MIPOL1: variants seen among roughly 807,000 people sequenced by gnomAD.
MIPOL1 encodes the protein mirror-image polydactyly gene 1 protein.
A neutral mutation model predicts 60.9 loss-of-function variants in MIPOL1; 57 were observed. That is an observed-to-expected ratio of 0.94 (90% CI 0.76 to 1.17). MIPOL1 has a LOEUF of 1.17. MIPOL1 is among the 50% of genes most tolerant of loss of function. The pLI is 0.00. For missense variants in MIPOL1, 551 were observed against 511.6 expected, an observed-to-expected ratio of 1.08 and a Z score of -0.74; for synonymous variants, 179 against 168.8, an observed-to-expected ratio of 1.06 and a Z score of -0.47.
chr14:37,455,776 A>G (rs1874821458), intron 11 of MIPOL1, among the ~76,000 whole-genome samples: 1 of 152,132 alleles, frequency 6.6e-6, no homozygotes, highest in African/African-American at 2.4e-5. Context: ...AGGGCAACTA[A>G]TGTGTTTATA....
intron 11 of MIPOL1, among the ~76,000 whole-genome samples, chr14:37,428,096 G>C (rs1298600292): frequency 6.6e-6 from 1 of 152,078 alleles, no homozygotes; most frequent in Non-Finnish European, 1.5e-5. Context: ...ATAAGGCTGG[G>C]AAAATATAGG....
At position 37,308,562 on chromosome 14, in the gene MIPOL1, CCTCT is replaced by C. The variant is rs774877193; in HGVS notation, c.828+46_828+49del. On this transcript the variant is annotated intron_variant, in intron 9 of 12. Coordinates refer to ENST00000684589, the MANE Select transcript of MIPOL1 (RefSeq NM_001388067.1). ...TGTAAAAGCATATACTTACCATTTT[CCTCT>C]CTATTTTTTTAACCATTAAAAACTG... 8 of 1,370,240 alleles carry C rather than the reference CCTCT, an allele frequency of 5.8e-6. No homozygotes were observed. The East Asian group carries it at 1.3e-4, about 22-fold the overall frequency. The allele number at this position is 1,370,240 out of a possible 1,614,324, so 84.9% of individuals were successfully genotyped here.
chr14:37,358,311 G>T (rs1013165574), intron 9 of MIPOL1, among the ~76,000 whole-genome samples: 1 of 152,118 alleles, frequency 6.6e-6, no homozygotes, highest in Admixed American at 6.5e-5. Flanking sequence ...CTGTGCATGT[G>T]TCTTTATAGC....
At position 37,292,465 on chromosome 14, in the gene MIPOL1, C is replaced by CTTTTTTTT. The variant is rs34055899; in HGVS notation, c.623+7036_623+7043dup. ...GGTACAAGTGAATTTCCTTAATAAA[C>CTTTTTTTT]TTTTTTTTTTTTTTTTTTTTTTTTT... On this transcript the variant is annotated intron_variant, in intron 7 of 12. Transcript: ENST00000684589. 1.2e-3 allele frequency among the ~76,000 whole-genome samples: 77 copies of CTTTTTTTT among 63,452 alleles called. 3 individuals carry two copies. Among genetic ancestry groups the CTTTTTTTT allele is most frequent in the Non-Finnish European group, 1.6e-3 (57 of 35,312 alleles). The allele number at this position is 63,452 out of a possible 152,430, so 41.6% of individuals were successfully genotyped here.
chr14:37,394,794 T>C (rs888827691), intron 10 of MIPOL1, among the ~76,000 whole-genome samples: 1 of 152,290 alleles, frequency 6.6e-6, no homozygotes, highest in South Asian at 2.1e-4. Context: ...TTATTTTTGT[T>C]TTTATTGCAT....
intron 11 of MIPOL1, among the ~76,000 whole-genome samples, chr14:37,451,909 G>C (rs2094425432): frequency 6.9e-6 from 1 of 145,218 alleles, no homozygotes; most frequent in Admixed American, 6.9e-5. Flanking sequence ...CCGCCTCCCG[G>C]GTTCACGCCA....
At chr14:37,455,577 C>T (rs993259713) in intron 11 of MIPOL1, among the ~76,000 whole-genome samples, 1 of 152,054 alleles carries the variant, frequency 6.6e-6, no homozygotes, top group Non-Finnish European at 1.5e-5. Context: ...TATACTTTTG[C>T]TCATGCTGCC....
intron 1 of MIPOL1, among the ~76,000 whole-genome samples, chr14:37,211,611 C>T (rs1159546127): frequency 6.6e-6 from 1 of 152,070 alleles, no homozygotes. Context: ...CACTCTATGT[C>T]TCCATATAAA....
intron 1 of MIPOL1, among the ~76,000 whole-genome samples, chr14:37,203,312 T>G (rs1330782523): frequency 6.6e-6 from 1 of 152,200 alleles, no homozygotes; most frequent in African/African-American, 2.4e-5. Context: ...TTTTGTGAAA[T>G]GAGGCCTTTT....
chr14:37,378,926 T>C (rs1355766851), intron 10 of MIPOL1, among the ~76,000 whole-genome samples: 2 of 152,070 alleles, frequency 1.3e-5, no homozygotes, highest in Non-Finnish European at 2.9e-5. Context: ...TCTAATGCAA[T>C]CTAAACAAGA....
At chr14:37,428,645 G>T (rs576390185) in intron 11 of MIPOL1, among the ~76,000 whole-genome samples, 271 of 148,280 alleles carry the variant, frequency 1.8e-3, no homozygotes, top group Non-Finnish European at 3.2e-3. Context: ...AAAAAAGTGG[G>T]TTTTTTTCCA....
At chr14:37,350,195 C>T (rs1051667245) in intron 9 of MIPOL1, among the ~76,000 whole-genome samples, 4 of 152,094 alleles carry the variant, frequency 2.6e-5, no homozygotes, top group South Asian at 2.1e-4. Context: ...CTTCAGCCTC[C>T]GTAATGGCTG....
intron 7 of MIPOL1, among the ~76,000 whole-genome samples, chr14:37,291,714 A>T (rs2085071949): frequency 6.6e-6 from 1 of 152,106 alleles, no homozygotes; most frequent in African/African-American, 2.4e-5. Context: ...GAAATCCAAG[A>T]TCGAGGTGCT....
rs34333538 is a variant in MIPOL1, at chr14:37,521,910, A to ATTT, written c.1262+21780_1262+21782dup. Reference sequence around the variant, plus strand: ...GAAAAAAAAATATATATATATATATATTTTTTTTTTCTTTGGCTTCAAAAA... The same window carrying ATTT: ...GAAAAAAAAATATATATATATATATATTTTTTTTTTTTTCTTTGGCTTCAAAAA... On this transcript the variant is annotated intron_variant, in intron 12 of 12. Transcript: ENST00000684589. 9.6e-3 allele frequency among the ~76,000 whole-genome samples: 1,271 copies of ATTT among 132,736 alleles called. 11 individuals are homozygous for ATTT. The highest frequency in any genetic ancestry group is 0.027 in the East Asian group (121 of 4,514). The allele number at this position is 132,736 out of a possible 152,430, so 87.1% of individuals were successfully genotyped here. A position where few individuals can be genotyped will look rare whatever the true frequency, so the allele number is the denominator to read the frequency against.
intron 1 of MIPOL1, among the ~76,000 whole-genome samples, chr14:37,214,192 CTG>C (rs1967184439): frequency 6.6e-6 from 1 of 151,908 alleles, no homozygotes; most frequent in Non-Finnish European, 1.5e-5. Context: ...GGCACGGTAA[CTG>C]TGGTGTGTAA....
chr14:37,278,129 G>A (rs905082640), intron 6 of MIPOL1: 2 of 151,390 alleles, frequency 1.3e-5, no homozygotes, highest in Non-Finnish European at 3.0e-5. Flanking sequence ...AAATAGTCTG[G>A]TCTATGAAAG....
At chr14:37,449,168 T>G (rs2153573112) in intron 11 of MIPOL1, among the ~76,000 whole-genome samples, 1 of 152,316 alleles carries the variant, frequency 6.6e-6, no homozygotes, top group East Asian at 1.9e-4. Context: ...CGTGTCAAAG[T>G]CATTTCTAAG....
chr14:37,542,675 A>G (rs564191943), intron 12 of MIPOL1, among the ~76,000 whole-genome samples: 4 of 152,084 alleles, frequency 2.6e-5, no homozygotes, highest in East Asian at 3.9e-4. Flanking sequence ...CTCCTTCCAT[A>G]CCCAAGGTAG....
In MIPOL1 at chr14:37,500,037, G is replaced by C; in HGVS notation, c.1161G>C (p.Leu387=). ...TCACTCAACAACAAAATGAGGAACT[G>C]GCTACTCAACTGCAACAAGCTCTGA... ...VSITQQQNEE[L]ATQLQQALTE... The change falls in exon 12 of 13, where the codon CTG becomes CTC. Residue 387 remains leucine, a synonymous_variant. Coordinates refer to ENST00000684589, the MANE Select transcript of MIPOL1 (RefSeq NM_001388067.1). The C allele has an allele frequency of 6.2e-7, 1 of 1,613,918 alleles. No homozygotes were observed. Among genetic ancestry groups the C allele is most frequent in the Middle Eastern group, 1.7e-4 (1 of 6,060 alleles).
Sources: allele counts gnomAD v4.1 joint callset (sites outside exome capture counted in the v4.1 genomes callset), GRCh38; gene constraint gnomAD v4.1.1; transcripts MANE v1.5; gene names NCBI Gene and HGNC (gene_info 2026-07-23, HGNC 2026-07-21).